Variants in SLC25A26 observed in about 807,000 individuals in gnomAD.
SLC25A26 encodes mitochondrial S-adenosylmethionine carrier protein.
A neutral mutation model predicts 37.8 loss-of-function variants in SLC25A26; 36 were observed. The observed-to-expected ratio is 0.95, with a 90% CI of 0.73 to 1.26. The LOEUF is 1.26. Among genes scored for constraint, SLC25A26 ranks in the 50% most tolerant of loss-of-function variants. The probability of loss-of-function intolerance (pLI) is 0.00; values close to 1 mark genes in which losing one functional copy is unlikely to be tolerated. For missense variants in SLC25A26, 390 were observed against 331.1 expected (o/e 1.18, Z -1.38); for synonymous variants, 129 against 122.5 (o/e 1.05, Z -0.35).
At chr3:66,226,440 G>C (rs1355483837) in intron 1 of SLC25A26, among the ~76,000 whole-genome samples, 1 of 152,020 alleles carries the variant, frequency 6.6e-6, no homozygotes, top group Non-Finnish European at 1.5e-5. Flanking sequence ...ATGAGATTTG[G>C]TTGGGGACCC....
intron 5 of SLC25A26, among the ~76,000 whole-genome samples, chr3:66,285,073 C>G (rs2074464767): frequency 6.6e-6 from 1 of 152,076 alleles, no homozygotes; most frequent in African/African-American, 2.4e-5. Context: ...TAGTAGGGGT[C>G]TTCTGGTGCT....
chr3:66,308,841 T>G (rs1435459956), intron 5 of SLC25A26, among the ~76,000 whole-genome samples: 2 of 152,160 alleles, frequency 1.3e-5, no homozygotes, highest in Non-Finnish European at 2.9e-5. Flanking sequence ...TTATGTTTAT[T>G]GATTTGTATA....
chr3:66,341,731 A>G (rs1440838230), intron 5 of SLC25A26, among the ~76,000 whole-genome samples: 1 of 152,204 alleles, frequency 6.6e-6, no homozygotes, highest in Non-Finnish European at 1.5e-5. Flanking sequence ...CCTAAGGAGT[A>G]ATTCACTTTC....
upstream of SLC25A26, chr3:66,220,934 C>T (rs2071455403): frequency 5.2e-6 from 4 of 774,116 alleles, no homozygotes; most frequent in Middle Eastern, 2.3e-4. Flanking sequence ...TCCCCTAGGC[C>T]CAGGTGTCTC....
At chr3:66,340,953 A>ATGTG (rs142179974) in intron 5 of SLC25A26, among the ~76,000 whole-genome samples, 2 of 151,450 alleles carry the variant, frequency 1.3e-5, no homozygotes, top group Non-Finnish European at 3.0e-5. Flanking sequence ...GAGAGAGAGA[A>ATGTG]TGTGTGTGTG....
upstream of SLC25A26, among the ~76,000 whole-genome samples, chr3:66,216,046 T>C (rs879166368): frequency 0.57 from 85,909 of 152,010 alleles, 27,071 homozygotes; most frequent in Middle Eastern, 0.82. Flanking sequence ...AAAAGGCTGA[T>C]TGAATACTTT....
chr3:66,165,849 A>G (rs2070417967), intron 1 of SLC25A26, among the ~76,000 whole-genome samples: 1 of 152,108 alleles, frequency 6.6e-6, no homozygotes, highest in African/African-American at 2.4e-5. Context: ...GGTGTCCAAC[A>G]TTAGGAAACA....
At chr3:66,369,426 A>C in intron 7 of SLC25A26, 52 bp from the exon 8 acceptor site, 1 of 1,512,944 alleles carries the variant, frequency 6.6e-7, no homozygotes, top group Non-Finnish European at 9.0e-7. Context: ...AAAAATTACA[A>C]AATTATACAG....
At chr3:66,305,698 C>A (rs1265032133) in intron 5 of SLC25A26, among the ~76,000 whole-genome samples, 1 of 151,986 alleles carries the variant, frequency 6.6e-6, no homozygotes, top group Non-Finnish European at 1.5e-5. Context: ...CAAGTGAGAG[C>A]ATGTGGTATT....
At chr3:66,345,163 C>T (rs1005078641) in intron 5 of SLC25A26, among the ~76,000 whole-genome samples, 93 of 152,274 alleles carry the variant, frequency 6.1e-4, no homozygotes, top group African/African-American at 2.2e-3. Context: ...TTCATTACTA[C>T]GCATGACTCT....
intron 2 of SLC25A26, among the ~76,000 whole-genome samples, chr3:66,241,222 C>CA (rs1412428065): frequency 6.6e-6 from 1 of 152,008 alleles, no homozygotes; most frequent in Non-Finnish European, 1.5e-5. Flanking sequence ...GCTTGTCACC[C>CA]AACCCTACAC....
At chr3:66,222,752 G>A (rs187315436) in intron 1 of SLC25A26, among the ~76,000 whole-genome samples, 495 of 152,312 alleles carry the variant, frequency 3.2e-3, no homozygotes, top group Middle Eastern at 0.01. Flanking sequence ...GATGTCACCT[G>A]GGAGTCGTGC....
At chr3:66,269,023 G>A (rs1434113001) in intron 5 of SLC25A26, among the ~76,000 whole-genome samples, 1 of 152,120 alleles carries the variant, frequency 6.6e-6, no homozygotes, top group Non-Finnish European at 1.5e-5. Flanking sequence ...TGTGAGAATG[G>A]ACTGATAAAA....
At chr3:66,292,006 A>G (rs2074726924) in intron 5 of SLC25A26, among the ~76,000 whole-genome samples, 1 of 150,464 alleles carries the variant, frequency 6.6e-6, no homozygotes, top group Non-Finnish European at 1.5e-5. Context: ...ATATGTATTT[A>G]GGATAGTTAG....
intron 6 of SLC25A26, among the ~76,000 whole-genome samples, chr3:66,356,435 T>C (rs1268690062): frequency 6.6e-6 from 1 of 152,192 alleles, no homozygotes; most frequent in Non-Finnish European, 1.5e-5. Flanking sequence ...TATCACTGAG[T>C]ATCCTAAAGA....
At chr3:66,321,330 G>A (rs749721915) in intron 5 of SLC25A26, among the ~76,000 whole-genome samples, 1 of 152,162 alleles carries the variant, frequency 6.6e-6, no homozygotes, top group African/African-American at 2.4e-5. Context: ...TTTATAGCAT[G>A]ATGAGAATCT....
chr3:66,155,792 C>T (rs904799030), intron 1 of SLC25A26, among the ~76,000 whole-genome samples: 2 of 152,132 alleles, frequency 1.3e-5, no homozygotes, highest in African/African-American at 4.8e-5. Context: ...CTCGCTCTCT[C>T]CCTACTTCCC....
chr3:66,323,198 G>C (rs2075743505), intron 5 of SLC25A26, among the ~76,000 whole-genome samples: 1 of 152,148 alleles, frequency 6.6e-6, no homozygotes, highest in African/African-American at 2.4e-5. Context: ...AATGGAAGGG[G>C]TGATGGAAGA....
At chr3:66,280,903 A>G (rs1450961528) in intron 5 of SLC25A26, among the ~76,000 whole-genome samples, 1 of 152,162 alleles carries the variant, frequency 6.6e-6, no homozygotes, top group Non-Finnish European at 1.5e-5. Flanking sequence ...CATAACTACA[A>G]TGCCATTATC....
Sources: allele counts gnomAD v4.1 joint callset (sites outside exome capture counted in the v4.1 genomes callset), GRCh38; gene constraint gnomAD v4.1.1; transcripts MANE v1.5; gene names NCBI Gene and HGNC (gene_info 2026-07-23, HGNC 2026-07-21).